KIAA1671: variants seen among roughly 807,000 people sequenced by gnomAD.
KIAA1671 encodes uncharacterized protein KIAA1671.
A neutral mutation model predicts 131.2 loss-of-function variants in KIAA1671; 52 were observed. The ratio of observed to expected loss-of-function variants is 0.40; its 90% CI spans 0.32 to 0.50. The LOEUF is 0.50. Among genes scored for constraint, KIAA1671 ranks in the 20% least tolerant of loss-of-function variants. KIAA1671 has a pLI of 0.73. For missense variants in KIAA1671, 2,360 were observed against 2,364.2 expected, an observed-to-expected ratio of 1.00 and a Z score of 0.04; for synonymous variants, 1,003 against 961.6, an observed-to-expected ratio of 1.04 and a Z score of -0.80.
At chr22:24,973,405 T>C in intron 1 of KIAA1671, among the ~76,000 whole-genome samples, 1 of 141,582 alleles carries the variant, frequency 7.1e-6, no homozygotes, top group African/African-American at 2.6e-5. Flanking sequence ...TTTTTTTTTT[T>C]TTTTTTTTTT....
At position 25,132,192 on chromosome 22, in the gene KIAA1671, A is replaced by C. The variant is rs540060955; in HGVS notation, c.4531-38628A>C. On this transcript the variant is annotated intron_variant, in intron 6 of 12. Coordinates refer to ENST00000358431, the MANE Select transcript of KIAA1671 (RefSeq NM_001145206.2). The stretch of plus-strand genomic sequence containing the variant: ...AGCAGGGGCTTGCATTGTTTCCAAA[A>C]CCTTTACTAAAGCTCTCACTCACCC... Among the ~76,000 whole-genome samples, 14 of 152,198 alleles carry C rather than the reference A, an allele frequency of 9.2e-5. No homozygotes were observed. In the East Asian group the frequency reaches 2.5e-3, roughly 27 times the overall value.
chr22:25,151,622 G>A (rs1459572538), intron 6 of KIAA1671, among the ~76,000 whole-genome samples: 7 of 151,796 alleles, frequency 4.6e-5, no homozygotes, highest in African/African-American at 1.7e-4. Flanking sequence ...AGTAGAAATA[G>A]GTTTCACCAT....
intron 1 of KIAA1671, among the ~76,000 whole-genome samples, chr22:25,015,910 A>G (rs1475441263): frequency 6.6e-6 from 1 of 152,236 alleles, no homozygotes; most frequent in Non-Finnish European, 1.5e-5. Flanking sequence ...CACACTCCGT[A>G]CGAAAATGAG....
At chr22:25,182,347 C>T (rs1051971882) in intron 10 of KIAA1671, among the ~76,000 whole-genome samples, 27 of 76,130 alleles carry the variant, frequency 3.5e-4, no homozygotes, top group African/African-American at 9.9e-4. Context: ...TTTCCTCCCT[C>T]CCTTTCTCTT....
chr22:25,141,462 G>A (rs1035114435), intron 6 of KIAA1671, among the ~76,000 whole-genome samples: 9 of 152,090 alleles, frequency 5.9e-5, no homozygotes, highest in Non-Finnish European at 1.2e-4. Flanking sequence ...TCAATCTCCT[G>A]ACCTCGTGAT....
At chr22:25,023,179 G>A (rs1925767288) in intron 1 of KIAA1671, 1 of 151,936 alleles carries the variant, frequency 6.6e-6, no homozygotes, top group East Asian at 1.9e-4. Context: ...TTGCACTCTA[G>A]CCTGCGTGAC....
At chr22:25,134,661 G>A (rs1227170135) in intron 6 of KIAA1671, among the ~76,000 whole-genome samples, 1 of 152,166 alleles carries the variant, frequency 6.6e-6, no homozygotes, top group Non-Finnish European at 1.5e-5. Flanking sequence ...CCAGCCCAGA[G>A]AGTTGGAGGC....
chr22:25,080,892 G>A (rs971341840), intron 6 of KIAA1671, among the ~76,000 whole-genome samples: 2 of 152,090 alleles, frequency 1.3e-5, no homozygotes, highest in African/African-American at 4.8e-5. Context: ...TTCTTGGTGG[G>A]CCTCAGTCAC....
rs114642915 is a variant in KIAA1671, at chr22:24,993,341, C to T, written c.-207-32292C>T. ...AGTCCTGCAAGACCCTGTCCGTTGT[C>T]TTCTCTCCAAAGTCAGCCCATGATA... On this transcript the variant is annotated intron_variant, in intron 1 of 12. Transcript: ENST00000358431. Among the ~76,000 whole-genome samples the T allele has an allele frequency of 2.0e-3, 311 of 152,294 alleles. 1 individual carries two copies. The highest frequency in any genetic ancestry group is 7.3e-3 in the African/African-American group (303 of 41,560).
At position 25,041,030 on chromosome 22, in the gene KIAA1671, A is replaced by G; in HGVS notation, c.3900A>G (p.Pro1300=). Residue 1300 remains proline, a synonymous_variant, in exon 5 of 13, where the codon CCA becomes CCG. Transcript: ENST00000358431. ...CTAGCCCTCCCTTCTGGGCTCTGCC[A>G]CCCTCGGCTCCTTCTGAAAGGTATC... ...TKSSPPFWAL[P]PSAPSERYPG... is the part of the protein sequence containing the mutation. The G allele has an allele frequency of 6.7e-7, 1 of 1,494,282 alleles. No homozygotes were observed. Among genetic ancestry groups the G allele is most frequent in the Non-Finnish European group, 8.9e-7 (1 of 1,120,960 alleles). The allele number at this position is 1,494,282 out of a possible 1,614,324, so 92.6% of individuals were successfully genotyped here.
intron 1 of KIAA1671, among the ~76,000 whole-genome samples, chr22:24,992,968 C>T (rs764102775): frequency 1.3e-5 from 2 of 152,022 alleles, no homozygotes; most frequent in Non-Finnish European, 2.9e-5. Context: ...TACCCATGCT[C>T]ATAGAGGTAG....
intron 6 of KIAA1671, among the ~76,000 whole-genome samples, chr22:25,135,763 C>T (rs1932649142): frequency 6.6e-6 from 1 of 152,182 alleles, no homozygotes; most frequent in African/African-American, 2.4e-5. Flanking sequence ...CTTGGGCTGT[C>T]CTCTTTGGTT....
At chr22:25,002,185 C>T (rs1360621199) in intron 1 of KIAA1671, among the ~76,000 whole-genome samples, 1 of 151,980 alleles carries the variant, frequency 6.6e-6, no homozygotes, top group Admixed American at 6.6e-5. Context: ...TTTAATGATC[C>T]AGGAAAAAAA....
At chr22:25,007,496 GAAAAA>G (rs141806128) in intron 1 of KIAA1671, among the ~76,000 whole-genome samples, 1 of 140,404 alleles carries the variant, frequency 7.1e-6, no homozygotes, top group South Asian at 2.3e-4. Flanking sequence ...AAAAGCAAGG[GAAAAA>G]AAAAAAAAAG....
At chr22:25,134,028 G>A (rs954039575) in intron 6 of KIAA1671, among the ~76,000 whole-genome samples, 1 of 152,198 alleles carries the variant, frequency 6.6e-6, no homozygotes, top group Non-Finnish European at 1.5e-5. Flanking sequence ...GAGAGCCTCA[G>A]CCCAGACAAA....
Position 25,041,229 on chromosome 22 carries a change from C to T in KIAA1671, c.4099C>T (p.Pro1367Ser). The change falls in exon 5 of 13, where the codon CCC (proline) becomes TCC (serine). Residue 1367 changes from proline to serine, a missense_variant. By Grantham distance (74) the Pro-to-Ser change is moderately conservative (BLOSUM62 -1). Around this residue, in one of 3 missense-constraint regions of KIAA1671, gnomAD observed 1,161 missense variants for 1,204.7 expected, o/e 0.96. Coordinates refer to ENST00000358431, the MANE Select transcript of KIAA1671 (RefSeq NM_001145206.2). ...GSGVRVSPKS[P>S]PTDQKKGTPR... ...TGGGGTCAGGGTGTCACCCAAATCG[C>T]CCCCCACTGACCAGAAGAAAGGGAC... 1.3e-6 allele frequency: 2 copies of T among 1,551,728 alleles called. No individual in the cohort carries two copies. The highest frequency in any genetic ancestry group is 2.4e-5 in the South Asian group (2 of 84,056).
intron 6 of KIAA1671, among the ~76,000 whole-genome samples, chr22:25,076,271 T>C (rs1161704387): frequency 6.6e-6 from 1 of 152,084 alleles, no homozygotes; most frequent in East Asian, 1.9e-4. Context: ...TAGCCAATTC[T>C]TTGTGGTTGG....
intron 9 of KIAA1671, among the ~76,000 whole-genome samples, chr22:25,179,056 G>T (rs1479121779): frequency 2.6e-5 from 4 of 152,212 alleles, no homozygotes; most frequent in Admixed American, 2.6e-4. Flanking sequence ...GCCCCCGGGG[G>T]ACCCAGCCGC....
rs1056106889 is a variant in KIAA1671, at chr22:25,090,623, C to T, written c.4530+41259C>T. Among the ~76,000 whole-genome samples the T allele has an allele frequency of 3.3e-5, 5 of 152,246 alleles. No individual in the cohort carries two copies. The East Asian group carries it at 9.6e-4, about 29-fold the overall frequency. On this transcript the variant is annotated intron_variant, in intron 6 of 12. Coordinates refer to ENST00000358431, the MANE Select transcript of KIAA1671 (RefSeq NM_001145206.2). Reference sequence around the variant, plus strand: ...GCTGGCCCCTTCTGCCTCTGTAAGGCAAGAAGAATGACTAGTTACTGGGTG... The same window carrying T: ...GCTGGCCCCTTCTGCCTCTGTAAGGTAAGAAGAATGACTAGTTACTGGGTG...
Sources: allele counts gnomAD v4.1 joint callset (sites outside exome capture counted in the v4.1 genomes callset), GRCh38; gene constraint gnomAD v4.1.1; regional missense constraint gnomAD v4.1.1; transcripts MANE v1.5; gene names NCBI Gene and HGNC (gene_info 2026-07-23, HGNC 2026-07-21).